IFT81: variants seen among roughly 807,000 people sequenced by gnomAD.
The protein encoded by IFT81 is intraflagellar transport 81.
In IFT81, 72 loss-of-function variants were observed where a neutral mutation model predicts 102.6. The ratio of observed to expected loss-of-function variants is 0.70; its 90% confidence interval spans 0.58 to 0.85. IFT81 has a LOEUF of 0.85. Among genes scored for constraint, IFT81 ranks in the 40% least tolerant of loss-of-function variants. The probability of loss-of-function intolerance (pLI) is 0.00; values close to 1 mark genes in which losing one functional copy is unlikely to be tolerated. For synonymous variants in IFT81, 237 were observed against 242.7 expected (o/e 0.98, Z 0.22); for missense variants, 723 against 787.3 (o/e 0.92, Z 0.98).
In IFT81 at chr12:110,215,232, G is replaced by A. The variant is rs145582473; in HGVS notation, c.1849-2812G>A. 6.9e-3 allele frequency among the ~76,000 whole-genome samples: 1,041 copies of A among 151,632 alleles called. 1 individual carries two copies. Among genetic ancestry groups the A allele is most frequent in the Non-Finnish European group, 9.5e-3 (643 of 67,936 alleles). On this transcript the variant is annotated intron_variant, in intron 18 of 18. Transcript: ENST00000242591. ...CGTATGTTAAAAGAGGAAAGGATGA[G>A]GTTGTTCCTTTGCACTCTGCCTCTG...
At chr12:110,212,011 A>T (rs1488564575) in intron 18 of IFT81, among the ~76,000 whole-genome samples, 1 of 152,144 alleles carries the variant, frequency 6.6e-6, no homozygotes, top group Non-Finnish European at 1.5e-5. Flanking sequence ...CTTAATATGT[A>T]TTTGTACAGT....
At chr12:110,139,871 A>AAT (rs1566110490) in intron 8 of IFT81, among the ~76,000 whole-genome samples, 50 of 138,716 alleles carry the variant, frequency 3.6e-4, no homozygotes, top group African/African-American at 1.2e-3. Context: ...TAAAATATAA[A>AAT]ATAAAATAAA....
chr12:110,185,384 G>A (rs541669340), intron 12 of IFT81, among the ~76,000 whole-genome samples: 1 of 151,746 alleles, frequency 6.6e-6, no homozygotes, highest in East Asian at 1.9e-4. Context: ...TAGAGACGGG[G>A]TTTCACCATG....
At chr12:110,197,555 C>CATATATATATATATATAT (rs141544205) in intron 14 of IFT81, among the ~76,000 whole-genome samples, 75 of 108,770 alleles carry the variant, frequency 6.9e-4, no homozygotes, top group Non-Finnish European at 1.0e-3. Flanking sequence ...AGGTTTTTAT[C>CATATATATATATATATAT]ATATATATAT....
intron 14 of IFT81, among the ~76,000 whole-genome samples, chr12:110,198,256 ATAAG>A (rs1296354489): frequency 6.6e-6 from 1 of 151,912 alleles, no homozygotes; most frequent in Non-Finnish European, 1.5e-5. Flanking sequence ...AATCATTACA[ATAAG>A]TAAGCCATCT....
At chr12:110,128,902 T>G in intron 3 of IFT81, 48 bp from the exon 4 acceptor site, 1 of 1,447,120 alleles carries the variant, frequency 6.9e-7, no homozygotes, top group East Asian at 2.4e-5. Context: ...CTCTTCAAAG[T>G]TTACCGTTAA....
chr12:110,152,125 A>G (rs1895571502), intron 10 of IFT81, among the ~76,000 whole-genome samples: 1 of 152,162 alleles, frequency 6.6e-6, no homozygotes, highest in Non-Finnish European at 1.5e-5. Context: ...GTAAATGCAG[A>G]TATCTCTTAA....
intron 14 of IFT81, 66 bp from the exon 15 acceptor site, chr12:110,203,798 T>C (rs1411933742): frequency 9.7e-7 from 1 of 1,036,046 alleles, no homozygotes; most frequent in African/African-American, 1.6e-5. Context: ...GGGCATGCAT[T>C]GTTTCAGAGC....
At chr12:110,214,121 T>C (rs1282573828) in intron 18 of IFT81, among the ~76,000 whole-genome samples, 1 of 152,188 alleles carries the variant, frequency 6.6e-6, no homozygotes, top group Non-Finnish European at 1.5e-5. Context: ...ATTTCACTTA[T>C]GGGATGACAC....
chr12:110,177,020 T>G (rs1364995365), intron 11 of IFT81, among the ~76,000 whole-genome samples: 2 of 152,198 alleles, frequency 1.3e-5, no homozygotes, highest in African/African-American at 4.8e-5. Context: ...ATTCTGAATC[T>G]GTGGTTATGT....
chr12:110,146,558 GTAATC>G (rs1566117221), intron 9 of IFT81, among the ~76,000 whole-genome samples: 1 of 152,104 alleles, frequency 6.6e-6, no homozygotes, highest in Non-Finnish European at 1.5e-5. Context: ...ATCTATATAA[GTAATC>G]AAACTGTGTA....
Position 110,143,362 on chromosome 12 carries a change from T to TC in IFT81, c.782-20_782-19insC, listed in dbSNP as rs1260501578. On this transcript the variant is annotated intron_variant, in intron 8 of 18. Coordinates refer to ENST00000242591, the MANE Select transcript of IFT81 (RefSeq NM_014055.4). ...TACCTACTCTTTTGGGCTGAATATTTATTTATTTTATTTTTAAAGGTTTAA... is the reference window on the plus strand; with the variant it reads ...TACCTACTCTTTTGGGCTGAATATTTCATTTATTTTATTTTTAAAGGTTTAA... 2.5e-5 allele frequency: 31 copies of TC among 1,229,078 alleles called. No individual in the cohort carries two copies. The African/African-American group carries it at 4.5e-4, about 18-fold the overall frequency. 76.1% of individuals were successfully genotyped at this position (1,229,078 alleles called of 1,614,324 possible).
At chr12:110,172,370 C>T (rs986895359) in intron 11 of IFT81, among the ~76,000 whole-genome samples, 14 of 124,396 alleles carry the variant, frequency 1.1e-4, no homozygotes, top group Admixed American at 1.0e-3. Context: ...GTCTCCCTCT[C>T]CCCACGGTCT....
At chr12:110,202,703 T>TG (rs61083979) in intron 14 of IFT81, among the ~76,000 whole-genome samples, 151,981 of 151,988 alleles carry the variant, frequency 1, 75,987 homozygotes, top group Middle Eastern at 1. Context: ...TCCGCCCACC[T>TG]GGCCTCCCAA....
Position 110,157,329 on chromosome 12 carries a change from A to G in IFT81, c.1042-5590A>G, listed in dbSNP as rs184043049. Among the ~76,000 whole-genome samples, 566 of 152,290 alleles carry G rather than the reference A, an allele frequency of 3.7e-3. 16 individuals carry two copies. The highest frequency in any genetic ancestry group is 0.032 in the Admixed American group (487 of 15,296). ...ATGCCATTGCACTTCAGCCTGGGCA[A>G]CAGAATGAGACCCTGCCTCAAAAAA... On this transcript the variant is annotated intron_variant, in intron 10 of 18. Coordinates refer to ENST00000242591, the MANE Select transcript of IFT81 (RefSeq NM_014055.4).
chr12:110,205,354 G>A (rs1868475422), intron 15 of IFT81, 89 bp from the exon 16 acceptor site: 11 of 1,372,876 alleles, frequency 8.0e-6, no homozygotes, highest in Non-Finnish European at 1.1e-5. Flanking sequence ...GACTCTGATG[G>A]TAGTCCTTTG....
At chr12:110,135,866 GAAAAAAAAAAAAAA>G (rs199705020) in intron 7 of IFT81, among the ~76,000 whole-genome samples, 2 of 107,590 alleles carry the variant, frequency 1.9e-5, no homozygotes, top group African/African-American at 6.7e-5. Flanking sequence ...GACTTTGTCT[GAAAAAAAAAAAAAA>G]AAAAAGATAA....
chr12:110,167,475 G>A (rs905489689), intron 11 of IFT81, among the ~76,000 whole-genome samples: 1 of 152,030 alleles, frequency 6.6e-6, no homozygotes, highest in Non-Finnish European at 1.5e-5. Flanking sequence ...TCTATTAAAT[G>A]ACTACATTTA....
chr12:110,137,436 A>G (rs1020748355), intron 8 of IFT81, among the ~76,000 whole-genome samples: 2 of 152,138 alleles, frequency 1.3e-5, no homozygotes, highest in Non-Finnish European at 2.9e-5. Flanking sequence ...TTGTGCTTGT[A>G]TAAAGGACTT....
Sources: allele counts gnomAD v4.1 joint callset (sites outside exome capture counted in the v4.1 genomes callset), GRCh38; gene constraint gnomAD v4.1.1; transcripts MANE v1.5; gene names NCBI Gene and HGNC (gene_info 2026-07-23, HGNC 2026-07-21).